Variants in BTBD7 observed in about 807,000 individuals in gnomAD.
BTBD7 encodes the protein BTB domain containing 7.
A neutral mutation model predicts 99.9 loss-of-function variants in BTBD7; 38 were observed. The ratio of observed to expected loss-of-function variants is 0.38; its 90% confidence interval spans 0.29 to 0.50. The LOEUF (loss-of-function observed/expected upper bound fraction) is 0.50, where lower values mean the gene tolerates loss of function less well. Ranked by LOEUF, BTBD7 falls within the 20% of genes least tolerant of loss-of-function variation. The pLI is 0.93. For missense variants in BTBD7, 1,170 were observed against 1,394.6 expected (o/e 0.84, Z 2.57); for synonymous variants, 520 against 511.4 (o/e 1.02, Z -0.23).
At chr14:93,318,335 A>G (rs2053230726) in intron 1 of BTBD7, among the ~76,000 whole-genome samples, 1 of 152,194 alleles carries the variant, frequency 6.6e-6, no homozygotes, top group Non-Finnish European at 1.5e-5. Flanking sequence ...TATGATTGGG[A>G]AGAGGCATGA....
intron 3 of BTBD7, among the ~76,000 whole-genome samples, chr14:93,274,849 C>T (rs1441026204): frequency 1.3e-5 from 2 of 152,198 alleles, no homozygotes; most frequent in African/African-American, 4.8e-5. Context: ...AGATTTTGGT[C>T]AAACTAATGG....
At chr14:93,300,257 CTTT>C (rs35598735) in intron 1 of BTBD7, among the ~76,000 whole-genome samples, 2,317 of 119,572 alleles carry the variant, frequency 0.019, 65 homozygotes, top group African/African-American at 0.08. Flanking sequence ...TTTCTTTGTT[CTTT>C]TTTTTTTTTT....
chr14:93,264,700 G>A (rs1391531007), intron 3 of BTBD7, among the ~76,000 whole-genome samples: 4 of 152,190 alleles, frequency 2.6e-5, no homozygotes, highest in African/African-American at 9.7e-5. Context: ...AAGATTATGG[G>A]AGTGAGAATG....
rs1400559345 is a variant in BTBD7 at position 93,237,987 on chromosome 14, G to A, written c.*4286C>T. On this transcript the variant is annotated 3_prime_UTR_variant, in exon 11 of 11. Transcript: ENST00000334746. Reference sequence around the variant, plus strand: ...ACAGATGTGGTGCATACACAGCAAGGAGAGTTCAGGAACCTTTATCTCTCA... The same window carrying A: ...ACAGATGTGGTGCATACACAGCAAGAAGAGTTCAGGAACCTTTATCTCTCA... The A allele has an allele frequency of 2.0e-5, 3 of 152,500 alleles. No homozygotes were observed. The highest frequency in any genetic ancestry group is 2.1e-4 in the South Asian group (1 of 4,826). The allele number at this position is 152,500 out of a possible 1,614,324, so 9.4% of individuals were successfully genotyped here.
chr14:93,308,923 A>G (rs2053105026), intron 1 of BTBD7, among the ~76,000 whole-genome samples: 1 of 152,210 alleles, frequency 6.6e-6, no homozygotes, highest in Non-Finnish European at 1.5e-5. Flanking sequence ...GCTGCACAAC[A>G]ATGTGAATGT....
At chr14:93,273,169 T>G (rs1247644791) in intron 3 of BTBD7, among the ~76,000 whole-genome samples, 2 of 152,130 alleles carry the variant, frequency 1.3e-5, no homozygotes. Flanking sequence ...CCCCTGCACA[T>G]AGTAGCATGA....
intron 3 of BTBD7, among the ~76,000 whole-genome samples, chr14:93,264,776 A>AAAACAAAC (rs145665595): frequency 2.0e-5 from 3 of 152,266 alleles, no homozygotes; most frequent in East Asian, 1.9e-4. Flanking sequence ...TGATAATGTG[A>AAAACAAAC]AAACAAACAA....
chr14:93,289,188 T>C (rs2052817040), intron 3 of BTBD7, among the ~76,000 whole-genome samples: 1 of 152,160 alleles, frequency 6.6e-6, no homozygotes, highest in Non-Finnish European at 1.5e-5. Flanking sequence ...ATACAATCCA[T>C]GCATACATAG....
intron 1 of BTBD7, among the ~76,000 whole-genome samples, 168 bp downstream of exon 1, chr14:93,332,652 C>A (rs923485299): frequency 6.6e-6 from 1 of 150,978 alleles, no homozygotes; most frequent in Non-Finnish European, 1.5e-5. Flanking sequence ...CAGCCCCAGA[C>A]GGACGACTGG....
intron 3 of BTBD7, among the ~76,000 whole-genome samples, chr14:93,285,872 T>C (rs1042202956): frequency 1.1e-4 from 17 of 152,208 alleles, no homozygotes; most frequent in African/African-American, 4.1e-4. Context: ...TCTAGTTGGC[T>C]TAAAGAGAAA....
chr14:93,244,853 A>ATT (rs2052285151), intron 10 of BTBD7, among the ~76,000 whole-genome samples: 2 of 132,186 alleles, frequency 1.5e-5, no homozygotes, highest in African/African-American at 3.0e-5. Flanking sequence ...AATCTTACAA[A>ATT]TCTTTTTTTT....
At chr14:93,291,259 G>C (rs1435058095) in intron 3 of BTBD7, among the ~76,000 whole-genome samples, 1 of 152,012 alleles carries the variant, frequency 6.6e-6, no homozygotes, top group Non-Finnish European at 1.5e-5. Flanking sequence ...TATGTAACAG[G>C]TGCTACTCAG....
Position 93,294,101 on chromosome 14 carries a change from A to G in BTBD7, c.919T>C (p.Leu307=). The G allele has an allele frequency of 6.2e-7, 1 of 1,614,070 alleles. No individual in the cohort carries two copies. Among genetic ancestry groups the G allele is most frequent in the Non-Finnish European group, 8.5e-7 (1 of 1,180,010 alleles). Residue 307 remains leucine, a synonymous_variant, in exon 3 of 11, where the codon TTG becomes CTG. Coordinates refer to ENST00000334746, the MANE Select transcript of BTBD7 (RefSeq NM_001002860.4). ...RTGEEITDRT[L]RTPTRIILDE... The stretch of plus-strand genomic sequence containing the variant: ...AATATAATTCTTGTGGGAGTCCTCA[A>G]AGTTCGGTCTGTGATTTCTTCACCA...
At chr14:93,243,421 C>A (rs986233173) in intron 10 of BTBD7, among the ~76,000 whole-genome samples, 1 of 152,136 alleles carries the variant, frequency 6.6e-6, no homozygotes, top group African/African-American at 2.4e-5. Flanking sequence ...TCTCGATCTC[C>A]TGACCTCGTG....
chr14:93,244,140 G>T (rs937045514), intron 10 of BTBD7: 4 of 482,238 alleles, frequency 8.3e-6, no homozygotes, highest in Non-Finnish European at 1.6e-5. Flanking sequence ...ACAGGAAGCA[G>T]AGTGACTATG....
At chr14:93,304,634 G>A (rs1002141257) in intron 1 of BTBD7, among the ~76,000 whole-genome samples, 5 of 152,224 alleles carry the variant, frequency 3.3e-5, no homozygotes, top group African/African-American at 1.2e-4. Flanking sequence ...TTACAGGCGT[G>A]AGCCACCGTG....
intron 3 of BTBD7, among the ~76,000 whole-genome samples, chr14:93,293,523 G>A (rs1027319999): frequency 9.2e-5 from 14 of 152,172 alleles, no homozygotes; most frequent in African/African-American, 3.4e-4. Flanking sequence ...GACTCAAAAT[G>A]TGGGAAACTG....
rs558327509 is a variant in BTBD7 at position 93,296,259 on chromosome 14, C to T, written c.-106-102G>A. ...GAAAACTGCTTTCATTCACAAATAA[C>T]AACACGCTGTCAAATTCACATGTCA... On this transcript the variant is annotated intron_variant, in intron 1 of 10. Transcript: ENST00000334746. 4 of 789,572 alleles carry T rather than the reference C, an allele frequency of 5.1e-6. No individual in the cohort carries two copies. The African/African-American group carries it at 7.5e-5, about 15-fold the overall frequency. 48.9% of individuals were successfully genotyped at this position (789,572 alleles called of 1,614,324 possible). A position where few individuals can be genotyped will look rare whatever the true frequency, so the allele number is the denominator to read the frequency against.
At chr14:93,306,229 T>C (rs1054477593) in intron 1 of BTBD7, among the ~76,000 whole-genome samples, 2 of 152,144 alleles carry the variant, frequency 1.3e-5, no homozygotes, top group African/African-American at 2.4e-5. Context: ...GTGGTTACAA[T>C]GCTGTAAACC....
Sources: allele counts gnomAD v4.1 joint callset (sites outside exome capture counted in the v4.1 genomes callset), GRCh38; gene constraint gnomAD v4.1.1; transcripts MANE v1.5; gene names NCBI Gene and HGNC (gene_info 2026-07-23, HGNC 2026-07-21).